CLDN2: variants seen among roughly 807,000 people sequenced by gnomAD.
CLDN2 encodes the protein claudin 2.
CLDN2 carries 1 observed loss-of-function variant against 8.2 expected under a neutral mutation model. The ratio of observed to expected loss-of-function variants is 0.12; its 90% CI spans 0.04 to 0.58. The LOEUF is 0.58. Ranked by LOEUF, CLDN2 falls within the 20% of genes least tolerant of loss-of-function variation. The pLI, the probability that CLDN2 is intolerant of heterozygous loss-of-function variation, is 0.90. For synonymous variants in CLDN2, 70 were observed against 70.2 expected, an observed-to-expected ratio of 1.00 and a Z score of 0.01; for missense variants, 108 against 172.9, an observed-to-expected ratio of 0.62 and a Z score of 2.11.
chrX:106,910,085 A>G (rs1948776917), intron 1 of CLDN2, among the ~76,000 whole-genome samples: 1 of 110,512 alleles, frequency 9.0e-6, no homozygotes. Context: ...CTCTTCTCTG[A>G]GACAGCCCCC....
intron 1 of CLDN2, among the ~76,000 whole-genome samples, chrX:106,904,932 G>A (rs189874968): frequency 1.8e-5 from 2 of 111,662 alleles, no homozygotes. Context: ...AGAGTGTTAG[G>A]GTTGTCATTT....
In CLDN2 at chrX:106,924,202, G is replaced by T. The variant is rs571210107; in HGVS notation, c.-179+3651G>T. 1.3e-4 allele frequency among the ~76,000 whole-genome samples: 14 copies of T among 111,184 alleles called. No individual in the cohort carries two copies. The South Asian group carries it at 5.0e-3, about 40-fold the overall frequency. On this transcript the variant is annotated intron_variant, in intron 1 of 1. Transcript: ENST00000336803. ...CAGTGAGTGGGAGGGTGAAGAAGTGGAGACATCAATAATGAATGGCTTGTT... is the reference window on the plus strand; with the variant it reads ...CAGTGAGTGGGAGGGTGAAGAAGTGTAGACATCAATAATGAATGGCTTGTT...
At chrX:106,911,246 G>A (rs1449153395) in intron 1 of CLDN2, among the ~76,000 whole-genome samples, 1 of 111,911 alleles carries the variant, frequency 8.9e-6, no homozygotes, top group Non-Finnish European at 1.9e-5. Flanking sequence ...GGAAACTGGT[G>A]TTCCTTTTCT....
chrX:106,919,946 C>T (rs1380660317), upstream of CLDN2, among the ~76,000 whole-genome samples: 2 of 112,389 alleles, frequency 1.8e-5, no homozygotes, highest in Non-Finnish European at 3.8e-5. Flanking sequence ...TGCCCTTGAG[C>T]CTTGGGACCA....
chrX:106,928,041 T>A lies in CLDN2; in HGVS notation c.-178-10T>A, dbSNP rs941024836. 3 of 370,706 alleles carry A rather than the reference T, an allele frequency of 8.1e-6. No homozygotes were observed. Among genetic ancestry groups the A allele is most frequent in the African/African-American group, 2.8e-5 (1 of 36,257 alleles). The allele number at this position is 370,706 out of a possible 1,213,427, so 30.6% of individuals were successfully genotyped here. On this transcript the variant is annotated splice_polypyrimidine_tract_variant and intron_variant, in intron 1 of 1. Transcript: ENST00000336803. The stretch of plus-strand genomic sequence containing the variant: ...GTCAATATTTAATCTGGTTTATGGA[T>A]TTTTTTTAGGTCTTCTAGATGCCTT...
chrX:106,927,944 C>A, intron 1 of CLDN2, 107 bp from the exon 2 acceptor site: 8 of 211,338 alleles, frequency 3.8e-5, no homozygotes, highest in Admixed American at 1.6e-4. Context: ...TTTTTCCTTT[C>A]TCATGTGTTA....
At chrX:106,906,822 G>A (rs1377914985) in intron 1 of CLDN2, among the ~76,000 whole-genome samples, 2 of 111,413 alleles carry the variant, frequency 1.8e-5, no homozygotes, top group East Asian at 2.8e-4. Flanking sequence ...TTTCTCTCCT[G>A]ATTATAAAAT....
At chrX:106,926,229 A>G (rs1277125390) in intron 1 of CLDN2, among the ~76,000 whole-genome samples, 1 of 111,727 alleles carries the variant, frequency 9.0e-6, no homozygotes, top group East Asian at 2.8e-4. Context: ...AACACAGGGA[A>G]GAACTGTTTG....
chrX:106,902,029 A>C (rs1196480217), intron 1 of CLDN2: 1 of 566,694 alleles, frequency 1.8e-6, no homozygotes, highest in African/African-American at 2.3e-5. Flanking sequence ...TGAGGATGCT[A>C]TCTCAGATCT....
At chrX:106,919,641 A>T (rs886892511), upstream of CLDN2, among the ~76,000 whole-genome samples, 1 of 110,925 alleles carries the variant, frequency 9.0e-6, no homozygotes, top group African/African-American at 3.3e-5. Flanking sequence ...GCACCACCAC[A>T]TCCAGCTAAT....
At chrX:106,922,133 G>T (rs1933401800) in intron 1 of CLDN2, among the ~76,000 whole-genome samples, 1 of 111,936 alleles carries the variant, frequency 8.9e-6, no homozygotes, top group African/African-American at 3.3e-5. Flanking sequence ...GACCCTGTCT[G>T]CCCTCACCTC....
At chrX:106,909,037 TGGA>T (rs1034775797) in intron 1 of CLDN2, among the ~76,000 whole-genome samples, 3 of 111,587 alleles carry the variant, frequency 2.7e-5, no homozygotes, top group African/African-American at 6.5e-5. Flanking sequence ...AAAGATTTCA[TGGA>T]GGAGGAGGAG....
chrX:106,915,836 T>C (rs1933303576), upstream of CLDN2, among the ~76,000 whole-genome samples: 1 of 110,881 alleles, frequency 9.0e-6, no homozygotes, highest in East Asian at 2.8e-4. Flanking sequence ...CTCTCCTTCC[T>C]CTTCTCCTGG....
At chrX:106,903,048 G>A (rs1245642432) in intron 1 of CLDN2, 19 of 1,044,456 alleles carry the variant, frequency 1.8e-5, no homozygotes, top group Non-Finnish European at 2.7e-6. Context: ...CAGAGAACAG[G>A]GTGCCCTGGA....
chrX:106,914,302 A>T (rs1173120173), upstream of CLDN2, among the ~76,000 whole-genome samples: 7 of 110,921 alleles, frequency 6.3e-5, no homozygotes, highest in African/African-American at 2.3e-4. Context: ...AACCTTGATA[A>T]TTTCCCTTTG....
At chrX:106,901,168 C>T (rs1467278700) in intron 1 of CLDN2, among the ~76,000 whole-genome samples, 1 of 112,264 alleles carries the variant, frequency 8.9e-6, no homozygotes, top group African/African-American at 3.2e-5. Context: ...GCTCTGACTC[C>T]ACCTGCTACC....
chrX:106,925,756 C>T (rs2147794563), intron 1 of CLDN2, among the ~76,000 whole-genome samples: 1 of 112,546 alleles, frequency 8.9e-6, no homozygotes, highest in South Asian at 3.7e-4. Context: ...CCTGTAATCC[C>T]AGCATTTTGG....
chrX:106,918,600 A>G (rs1402202751), upstream of CLDN2: 1 of 112,211 alleles, frequency 8.9e-6, no homozygotes, highest in Non-Finnish European at 1.9e-5. Context: ...ACTATGAGGC[A>G]AGCTCTAGAG....
intron 1 of CLDN2, chrX:106,901,367 G>A (rs960680429): frequency 1.3e-5 from 10 of 776,688 alleles, no homozygotes; most frequent in South Asian, 4.9e-5. Flanking sequence ...ATGAAACAGC[G>A]ATCATAGATA....
Sources: allele counts gnomAD v4.1 joint callset (sites outside exome capture counted in the v4.1 genomes callset), GRCh38; gene constraint gnomAD v4.1.1; transcripts MANE v1.5; gene names NCBI Gene and HGNC (gene_info 2026-07-23, HGNC 2026-07-21).